Variants in CSMD1 observed in about 807,000 individuals in gnomAD.
CSMD1 encodes the protein CUB and Sushi multiple domains 1.
A neutral mutation model predicts 417.5 loss-of-function variants in CSMD1; 213 were observed. The ratio of observed to expected loss-of-function variants is 0.51; its 90% CI spans 0.46 to 0.57. The LOEUF is 0.57. CSMD1 is among the 20% of genes least tolerant of loss of function. The pLI is 0.00. For missense variants in CSMD1, 6,923 were observed against 4,529.7 expected (o/e 1.53, Z -15.17); for synonymous variants, 2,862 against 1,736.8 (o/e 1.65, Z -16.11).
At chr8:3,553,123 A>AC (rs1798989669) in intron 10 of CSMD1, among the ~76,000 whole-genome samples, 1 of 57,562 alleles carries the variant, frequency 1.7e-5, no homozygotes, top group African/African-American at 4.7e-5. Context: ...GTGGACAAGG[A>AC]GAAAAAAAAA....
At chr8:3,042,645 C>T (rs1049091360) in intron 50 of CSMD1, among the ~76,000 whole-genome samples, 3 of 152,086 alleles carry the variant, frequency 2.0e-5, no homozygotes, top group African/African-American at 7.2e-5. Flanking sequence ...ACCGAGCAAC[C>T]TTGGGAAAGG....
At chr8:4,121,281 GT>G (rs1315661071) in intron 3 of CSMD1, among the ~76,000 whole-genome samples, 2 of 151,686 alleles carry the variant, frequency 1.3e-5, no homozygotes, top group African/African-American at 4.8e-5. Flanking sequence ...CACCCAGCTC[GT>G]TTTTGTATTT....
chr8:4,637,304 A>G (rs1207949067), intron 2 of CSMD1, 38 bp downstream of exon 2: 2 of 1,451,048 alleles, frequency 1.4e-6, no homozygotes, highest in Non-Finnish European at 1.9e-6. Context: ...TGTGTATTCA[A>G]ACAGTGCTAA....
chr8:4,855,208 T>C (rs10481359), intron 1 of CSMD1, among the ~76,000 whole-genome samples: 18,910 of 148,832 alleles, frequency 0.13, 1,994 homozygotes, highest in East Asian at 0.35. Context: ...ACGGTCCTCT[T>C]TGTTAGAAGA....
chr8:3,819,380 T>G (rs79065049), intron 5 of CSMD1, among the ~76,000 whole-genome samples: 1 of 152,116 alleles, frequency 6.6e-6, no homozygotes, highest in Non-Finnish European at 1.5e-5. Flanking sequence ...CCCTCTTTGT[T>G]TTGCTCCAGA....
chr8:4,349,123 T>C (rs912091397), intron 3 of CSMD1, among the ~76,000 whole-genome samples: 1 of 152,224 alleles, frequency 6.6e-6, no homozygotes, highest in African/African-American at 2.4e-5. Flanking sequence ...ATAAGTAAAA[T>C]TCAGTCTGAA....
At chr8:3,975,133 T>C (rs1203746492) in intron 5 of CSMD1, among the ~76,000 whole-genome samples, 1 of 152,206 alleles carries the variant, frequency 6.6e-6, no homozygotes. Flanking sequence ...CATGTTTCCA[T>C]GGAATGCAAA....
chr8:4,726,089 C>T (rs533730717), intron 1 of CSMD1, among the ~76,000 whole-genome samples: 7 of 152,254 alleles, frequency 4.6e-5, no homozygotes, highest in African/African-American at 1.7e-4. Flanking sequence ...ATCCGTGATA[C>T]ACAGAACGCA....
chr8:4,362,634 C>T (rs1442047704), intron 3 of CSMD1, among the ~76,000 whole-genome samples: 1 of 152,122 alleles, frequency 6.6e-6, no homozygotes, highest in Non-Finnish European at 1.5e-5. Flanking sequence ...CAGTTTGCTA[C>T]CCCCTCTACT....
intron 10 of CSMD1, among the ~76,000 whole-genome samples, chr8:3,564,593 C>T (rs1034690414): frequency 6.7e-6 from 1 of 149,810 alleles, no homozygotes; most frequent in African/African-American, 2.5e-5. Context: ...GGCCCTTGTT[C>T]TCCATTTTAT....
chr8:3,515,818 A>G (rs1048755479), intron 10 of CSMD1, among the ~76,000 whole-genome samples: 12 of 152,244 alleles, frequency 7.9e-5, no homozygotes, highest in African/African-American at 2.9e-4. Context: ...GGGCAATGGA[A>G]TTGCCTATTA....
At chr8:4,941,523 T>A (rs919569845) in intron 1 of CSMD1, among the ~76,000 whole-genome samples, 1 of 152,238 alleles carries the variant, frequency 6.6e-6, no homozygotes, top group Non-Finnish European at 1.5e-5. Flanking sequence ...TGTAACTTGT[T>A]GTGTTTCTTC....
chr8:3,338,941 C>A (rs557597047), intron 23 of CSMD1, among the ~76,000 whole-genome samples: 1 of 150,970 alleles, frequency 6.6e-6, no homozygotes, highest in Non-Finnish European at 1.5e-5. Context: ...CCCACTAACT[C>A]GTCATCTAGC....
At position 3,018,622 on chromosome 8, in the gene CSMD1, G is replaced by A. The variant is rs768600841; in HGVS notation, c.7884C>T (p.Pro2628=). 2 of 1,612,072 alleles carry A rather than the reference G, an allele frequency of 1.2e-6. No homozygotes were observed. The highest frequency in any genetic ancestry group is 1.1e-5 in the South Asian group (1 of 90,880). ...ACGTTCCAATCTTGTTGCCATTTGG[G>A]GGAAAGGAAAGGCTTCCACACGAGA... The part of the protein sequence containing the change: ...RVISCGSLSF[P]PNGNKIGTLT... The change falls in exon 52 of 70, where the codon CCC becomes CCT. Residue 2628 remains proline (P), a synonymous_variant. Transcript: ENST00000635120.
chr8:4,417,252 A>T (rs184165301), intron 3 of CSMD1, among the ~76,000 whole-genome samples: 1 of 152,014 alleles, frequency 6.6e-6, no homozygotes, highest in Non-Finnish European at 1.5e-5. Flanking sequence ...GAACACGTTG[A>T]TTACACTATT....
intron 5 of CSMD1, among the ~76,000 whole-genome samples, chr8:3,874,378 C>T (rs760991121): frequency 2.0e-5 from 3 of 152,306 alleles, no homozygotes; most frequent in South Asian, 2.1e-4. Context: ...TCTTTAAAGA[C>T]GTACTTTTCA....
At chr8:4,543,522 T>C (rs910794385) in intron 2 of CSMD1, among the ~76,000 whole-genome samples, 2 of 152,134 alleles carry the variant, frequency 1.3e-5, no homozygotes, top group Non-Finnish European at 2.9e-5. Flanking sequence ...GACCACAGTT[T>C]ATACATTCAC....
At chr8:3,761,569 G>A (rs564944852) in intron 5 of CSMD1, among the ~76,000 whole-genome samples, 87 of 127,362 alleles carry the variant, frequency 6.8e-4, no homozygotes, top group South Asian at 1.8e-3. Flanking sequence ...GAAATGAGAT[G>A]ATCTCAGCTC....
chr8:3,674,039 G>C (rs986389061), intron 7 of CSMD1, among the ~76,000 whole-genome samples: 1 of 152,178 alleles, frequency 6.6e-6, no homozygotes, highest in Non-Finnish European at 1.5e-5. Flanking sequence ...CTGGGAGGCA[G>C]AGGTTGCAAT....
Sources: allele counts gnomAD v4.1 joint callset (sites outside exome capture counted in the v4.1 genomes callset), GRCh38; gene constraint gnomAD v4.1.1; transcripts MANE v1.5; gene names NCBI Gene and HGNC (gene_info 2026-07-23, HGNC 2026-07-21).